Variants in INSYN2B observed in about 807,000 individuals in gnomAD.
INSYN2B encodes the protein inhibitory synaptic factor family member 2B.
In INSYN2B, 16 loss-of-function variants were observed where a neutral mutation model predicts 41.2. That is an observed-to-expected ratio of 0.39 (90% CI 0.26 to 0.59). The LOEUF (loss-of-function observed/expected upper bound fraction) is 0.59. Among genes scored for constraint, INSYN2B ranks in the 20% least tolerant of loss-of-function variants. The pLI is 0.57. For synonymous variants in INSYN2B, 245 were observed against 244.4 expected, an observed-to-expected ratio of 1.00 and a Z score of -0.02; for missense variants, 608 against 646.4, an observed-to-expected ratio of 0.94 and a Z score of 0.64.
chr5:169,911,649 C>T (rs913264058), intron 1 of INSYN2B, among the ~76,000 whole-genome samples: 5 of 152,174 alleles, frequency 3.3e-5, no homozygotes, highest in African/African-American at 1.2e-4. Context: ...TTTCTGTCTG[C>T]CTTCAAGTTA....
intron 1 of INSYN2B, among the ~76,000 whole-genome samples, chr5:169,904,096 A>AAG (rs1774131125): frequency 6.6e-6 from 1 of 150,778 alleles, no homozygotes; most frequent in African/African-American, 2.4e-5. Context: ...CGTCTCAAAA[A>AAG]AAAAAAAAAA....
intron 1 of INSYN2B, 96 bp downstream of exon 1, chr5:169,980,181 C>A (rs1198012637): frequency 1.3e-5 from 2 of 152,102 alleles, no homozygotes; most frequent in Admixed American, 1.3e-4. Flanking sequence ...TGATTTAAGC[C>A]AAAGCTTTAA....
intron 1 of INSYN2B, among the ~76,000 whole-genome samples, chr5:169,913,862 C>A (rs1186361243): frequency 1.3e-5 from 2 of 150,758 alleles, no homozygotes; most frequent in East Asian, 3.8e-4. Context: ...GTATACTGAG[C>A]AAGAAGCTTA....
intron 1 of INSYN2B, among the ~76,000 whole-genome samples, chr5:169,955,151 T>C (rs140440706): frequency 0.01 from 1,550 of 152,318 alleles, 20 homozygotes; most frequent in Non-Finnish European, 0.015. Context: ...AGGAGCTACA[T>C]GGCCATGTCA....
At chr5:169,977,921 C>T (rs1052419900) in intron 1 of INSYN2B, among the ~76,000 whole-genome samples, 1 of 152,228 alleles carries the variant, frequency 6.6e-6, no homozygotes, top group East Asian at 1.9e-4. Flanking sequence ...AGAATAAAAT[C>T]TGTTACATAA....
rs561762789 is a variant in INSYN2B at position 169,933,763 on chromosome 5, C to T, written c.-919+46514G>A. On this transcript the variant is annotated intron_variant, in intron 1 of 3. Transcript: ENST00000377365. ...CTCAGACTTCCAGGCAGCTGCCAAC[C>T]TTTGCCTTCCCTTCTTGGATTTCTT... Among the ~76,000 whole-genome samples, 7 of 152,254 alleles carry T rather than the reference C, an allele frequency of 4.6e-5. No individual in the cohort carries two copies. The South Asian group carries it at 1.2e-3, about 27-fold the overall frequency.
intron 1 of INSYN2B, among the ~76,000 whole-genome samples, chr5:169,896,132 C>T (rs1195461006): frequency 6.6e-6 from 1 of 151,094 alleles, no homozygotes; most frequent in South Asian, 2.1e-4. Context: ...GCTCCCAGAG[C>T]GTGCAGGCAG....
At chr5:169,915,109 A>G (rs1206914659) in intron 1 of INSYN2B, among the ~76,000 whole-genome samples, 1 of 152,164 alleles carries the variant, frequency 6.6e-6, no homozygotes, top group Non-Finnish European at 1.5e-5. Context: ...AGGCCCCACT[A>G]CTTGAAAATT....
At chr5:169,900,467 T>C (rs944080581) in intron 1 of INSYN2B, among the ~76,000 whole-genome samples, 1 of 152,214 alleles carries the variant, frequency 6.6e-6, no homozygotes, top group Non-Finnish European at 1.5e-5. Flanking sequence ...GAAGACTGGC[T>C]GGCAGGAGGC....
At chr5:169,932,730 A>C (rs1433532506) in intron 1 of INSYN2B, among the ~76,000 whole-genome samples, 1 of 152,190 alleles carries the variant, frequency 6.6e-6, no homozygotes, top group Non-Finnish European at 1.5e-5. Context: ...TTATATTAGA[A>C]GGGAAATGTG....
Position 169,973,775 on chromosome 5 carries a change from C to T in INSYN2B, c.-919+6502G>A, listed in dbSNP as rs191958002. On this transcript the variant is annotated intron_variant, in intron 1 of 3. Transcript: ENST00000377365. ...CCATAGAGAATAGTCATTAAGAGGG[C>T]TGGTTCTGTCTATGTAACTGTGTAA... is the stretch of plus-strand genomic sequence containing the variant. Among the ~76,000 whole-genome samples the T allele has an allele frequency of 3.3e-5, 5 of 152,268 alleles. No individual in the cohort carries two copies. In the East Asian group the frequency reaches 7.7e-4, roughly 23 times the overall value.
At chr5:169,952,608 G>C (rs1432543030) in intron 1 of INSYN2B, among the ~76,000 whole-genome samples, 1 of 152,114 alleles carries the variant, frequency 6.6e-6, no homozygotes, top group East Asian at 1.9e-4. Context: ...CAACTGACAT[G>C]TTAGCCACAG....
At chr5:169,978,375 ATGTGTG>A (rs70979152) in intron 1 of INSYN2B, among the ~76,000 whole-genome samples, 3 of 25,774 alleles carry the variant, frequency 1.2e-4, no homozygotes, top group Admixed American at 4.1e-4. Context: ...GGCTCTGTGT[ATGTGTG>A]TGTGTGTGTG....
chr5:169,973,651 C>T (rs1272602572), intron 1 of INSYN2B, among the ~76,000 whole-genome samples: 1 of 152,190 alleles, frequency 6.6e-6, no homozygotes, highest in Admixed American at 6.5e-5. Context: ...CTATGAGAAA[C>T]TAGATATATT....
In INSYN2B at chr5:169,978,393, G is replaced by GT. The variant is rs1554123457; in HGVS notation, c.-919+1883_-919+1884insA. ...TCTGTGTATGTGTGTGTGTGTGTGTGGGGGGGGGGGGGTGTAGGTGTGTTT... is the reference window on the plus strand; with the variant it reads ...TCTGTGTATGTGTGTGTGTGTGTGTGTGGGGGGGGGGGGTGTAGGTGTGTTT... On this transcript the variant is annotated intron_variant, in intron 1 of 3. Coordinates refer to ENST00000377365, the MANE Select transcript of INSYN2B (RefSeq NM_001129891.3). Among the ~76,000 whole-genome samples the GT allele has an allele frequency of 6.2e-3, 274 of 43,888 alleles. 4 individuals carry two copies. Among genetic ancestry groups the GT allele is most frequent in the African/African-American group, 0.023 (254 of 10,902 alleles). 28.8% of individuals were successfully genotyped at this position (43,888 alleles called of 152,430 possible).
At position 169,863,628 on chromosome 5, in the gene INSYN2B, G is replaced by A. The variant is rs529148911; in HGVS notation, c.*645C>T. The stretch of plus-strand genomic sequence containing the variant: ...ACAAGTTTATACCCTGGGGTGGCCT[G>A]ACTCTGCCACAGGCAGAAAGGTGCA... On this transcript the variant is annotated 3_prime_UTR_variant, in exon 4 of 4. Coordinates refer to ENST00000377365, the MANE Select transcript of INSYN2B (RefSeq NM_001129891.3). Among the ~76,000 whole-genome samples the A allele has an allele frequency of 2.0e-5, 3 of 152,328 alleles. No individual in the cohort carries two copies. The South Asian group carries it at 6.2e-4, about 32-fold the overall frequency.
chr5:169,970,087 G>T (rs1205887149), intron 1 of INSYN2B, among the ~76,000 whole-genome samples: 1 of 152,198 alleles, frequency 6.6e-6, no homozygotes, highest in African/African-American at 2.4e-5. Context: ...CCCTGTTACT[G>T]CCCTGAGGCC....
intron 3 of INSYN2B, among the ~76,000 whole-genome samples, chr5:169,871,100 G>A (rs1053381772): frequency 2.0e-5 from 3 of 152,240 alleles, no homozygotes; most frequent in African/African-American, 4.8e-5. Context: ...TCCCATTCAC[G>A]AGGACTCCAA....
intron 3 of INSYN2B, among the ~76,000 whole-genome samples, chr5:169,876,259 C>A (rs1251179324): frequency 6.6e-6 from 1 of 152,226 alleles, no homozygotes; most frequent in Non-Finnish European, 1.5e-5. Context: ...TCTGCAAAGT[C>A]CCTTTTGCCA....
Sources: gnomAD v4.1 joint callset for allele counts (sites outside exome capture counted in the v4.1 genomes callset) on GRCh38, gnomAD v4.1.1 for gene constraint, MANE v1.5 for transcripts, NCBI Gene and HGNC (gene_info 2026-07-23, HGNC 2026-07-21) for gene names.